MET: variants seen among roughly 807,000 people sequenced by gnomAD.
The protein encoded by MET is hepatocyte growth factor receptor.
In MET, 48 loss-of-function variants were observed where a neutral mutation model predicts 133.1. That is an observed-to-expected ratio of 0.36 (90% CI 0.29 to 0.46). The LOEUF (loss-of-function observed/expected upper bound fraction) is 0.46. Among genes scored for constraint, MET ranks in the 20% least tolerant of loss-of-function variants. MET has a pLI of 1.00. For missense variants in MET, 1,442 were observed against 1,695.9 expected, an observed-to-expected ratio of 0.85 and a Z score of 2.63; for synonymous variants, 628 against 616.5, an observed-to-expected ratio of 1.02 and a Z score of -0.28.
intron 3 of MET, among the ~76,000 whole-genome samples, chr7:116,735,244 ATGT>A (rs1340633472): frequency 2.0e-5 from 3 of 152,052 alleles, no homozygotes; most frequent in Non-Finnish European, 4.4e-5. Context: ...AAGTTCCTAA[ATGT>A]TGTTACCACC....
chr7:116,787,801 C>T (rs1007188272), intron 19 of MET, among the ~76,000 whole-genome samples: 2 of 152,118 alleles, frequency 1.3e-5, no homozygotes, highest in African/African-American at 4.8e-5. Context: ...AGACATTTTA[C>T]CAAAGAGACG....
chr7:116,714,911 G>A (rs1343421107), intron 2 of MET, among the ~76,000 whole-genome samples: 2 of 152,022 alleles, frequency 1.3e-5, no homozygotes, highest in African/African-American at 4.8e-5. Flanking sequence ...CACAAATTTT[G>A]GAGAGCCATG....
intron 5 of MET, among the ~76,000 whole-genome samples, chr7:116,749,134 C>T (rs1194481505): frequency 6.6e-6 from 1 of 152,200 alleles, no homozygotes; most frequent in African/African-American, 2.4e-5. Context: ...GATACCAAAA[C>T]CAGACAGAGA....
intron 16 of MET, 79 bp downstream of exon 16, chr7:116,777,548 T>C (rs1237443951): frequency 7.4e-7 from 1 of 1,346,912 alleles, no homozygotes; most frequent in Non-Finnish European, 1.1e-6. Flanking sequence ...AAAACGTTGA[T>C]TTACACTTTC....
rs1246922287 is a variant in MET, at chr7:116,798,206, T to G, written c.*2082T>G. ...AACACTGCAATGTGAAAATCACGTT[T>G]GCTATTTATAAACTTGTCCTTAGAT... On this transcript the variant is annotated 3_prime_UTR_variant, in exon 21 of 21. Coordinates refer to ENST00000397752, the MANE Select transcript of MET (RefSeq NM_000245.4). 1 of 212,370 alleles carries G rather than the reference T, an allele frequency of 4.7e-6. No homozygotes were observed. 13.2% of individuals were successfully genotyped at this position (212,370 alleles called of 1,614,324 possible).
At position 116,757,760 on chromosome 7, in the gene MET, A is replaced by G. The variant is rs201378674; in HGVS notation, c.2088A>G (p.Thr696=). 2 of 1,613,936 alleles carry G rather than the reference A, an allele frequency of 1.2e-6. No homozygotes were observed. Among genetic ancestry groups the G allele is most frequent in the Non-Finnish European group, 1.7e-6 (2 of 1,179,878 alleles). Residue 696 remains threonine (T), a synonymous_variant, in exon 8 of 21, where the codon ACA becomes ACG. Coordinates refer to ENST00000397752, the MANE Select transcript of MET (RefSeq NM_000245.4). ...GACACATTTCAATTGGTGGAAAAAC[A>G]TGTACTTTAAAAAGGTGTTGTAAAT... The part of the protein sequence containing the change: ...NSRHISIGGK[T]CTLKSVSNSI...
intron 14 of MET, 83 bp from the exon 15 acceptor site, chr7:116,774,798 C>A (rs2117028576): frequency 9.8e-7 from 1 of 1,018,092 alleles, no homozygotes; most frequent in Non-Finnish European, 1.5e-6. Flanking sequence ...CAAACTAATT[C>A]CATTATAAAA....
rs1321373360 is a variant in MET at position 116,796,629 on chromosome 7, C to A, written c.*505C>A. On this transcript the variant is annotated 3_prime_UTR_variant, in exon 21 of 21. Coordinates refer to ENST00000397752, the MANE Select transcript of MET (RefSeq NM_000245.4). ...TCATTCACCCATTAGGTAAACATTCCCTTTTAAATGTTTGTTTGTTTTTTG... is the reference window on the plus strand; with the variant it reads ...TCATTCACCCATTAGGTAAACATTCACTTTTAAATGTTTGTTTGTTTTTTG... 3.6e-6 allele frequency: 1 copy of A among 278,118 alleles called. No homozygotes were observed. The highest frequency in any genetic ancestry group is 2.2e-5 in the African/African-American group (1 of 46,152). 17.2% of individuals were successfully genotyped at this position (278,118 alleles called of 1,614,324 possible).
intron 19 of MET, among the ~76,000 whole-genome samples, chr7:116,786,486 G>A (rs578015883): frequency 6.6e-6 from 1 of 152,318 alleles, no homozygotes; most frequent in East Asian, 1.9e-4. Flanking sequence ...GGACCCAGAA[G>A]CAAAGACCAC....
rs863224376 is a variant in MET, at chr7:116,699,078, T to C, written c.-7T>C. On this transcript the variant is annotated 5_prime_UTR_variant, in exon 2 of 21. Coordinates refer to ENST00000397752, the MANE Select transcript of MET (RefSeq NM_000245.4). ...TTGAACCTGTTTTGGCAGATAAACC[T>C]CTCATAATGAAGGCCCCCGCTGTGC... 2 of 1,613,682 alleles carry C rather than the reference T, an allele frequency of 1.2e-6. No homozygotes were observed. The highest frequency in any genetic ancestry group is 1.7e-6 in the Non-Finnish European group (2 of 1,179,826).
chr7:116,692,408 T>A (rs1332129021), intron 1 of MET, among the ~76,000 whole-genome samples: 1 of 152,160 alleles, frequency 6.6e-6, no homozygotes, highest in Non-Finnish European at 1.5e-5. Context: ...CTCTGTTGGG[T>A]TTTTTCCTGA....
At chr7:116,718,216 G>C (rs1424508319) in intron 2 of MET, among the ~76,000 whole-genome samples, 1 of 151,980 alleles carries the variant, frequency 6.6e-6, no homozygotes. Context: ...GTGAAACCCA[G>C]TCTCTAATAA....
chr7:116,753,003 C>T (rs1176684983), intron 5 of MET, among the ~76,000 whole-genome samples: 1 of 152,074 alleles, frequency 6.6e-6, no homozygotes, highest in Non-Finnish European at 1.5e-5. Context: ...ATTTATTTTT[C>T]TAGTAGTTCT....
intron 6 of MET, among the ~76,000 whole-genome samples, chr7:116,756,477 C>T (rs1303752575): frequency 6.6e-6 from 1 of 152,124 alleles, no homozygotes; most frequent in Non-Finnish European, 1.5e-5. Context: ...AATGGCAAAA[C>T]AAATTTTTTC....
intron 2 of MET, chr7:116,724,017 C>T (rs1335325125): frequency 6.2e-6 from 1 of 160,138 alleles, no homozygotes; most frequent in Non-Finnish European, 1.4e-5. Flanking sequence ...CCACCCAGTT[C>T]TAGCTTCCAG....
At position 116,749,353 on chromosome 7, in the gene MET, A is replaced by G. The variant is rs371570367; in HGVS notation, c.1702-6002A>G. Among the ~76,000 whole-genome samples the G allele has an allele frequency of 5.9e-5, 9 of 152,336 alleles. No homozygotes were observed. In the East Asian group the frequency reaches 1.7e-3, roughly 29 times the overall value. ...CATCACATAAACAGAACCAATGACA[A>G]AAACCACACGATTATTGCAATAGAT... On this transcript the variant is annotated intron_variant, in intron 5 of 20. Transcript: ENST00000397752.
Position 116,771,628 on chromosome 7 carries a change from G to T in MET, c.2861G>T (p.Trp954Leu), listed in dbSNP as rs764814223. ...ALLLLLGFFL[W>L]LKKRKQIKDL... ...TTATTACTACTTGGGTTTTTCCTGTGGCTGAAAAAGAGAAAGCAAATTAAA... is the reference window on the plus strand; with the variant it reads ...TTATTACTACTTGGGTTTTTCCTGTTGCTGAAAAAGAGAAAGCAAATTAAA... Residue 954 changes from tryptophan to leucine, a missense_variant, in exon 13 of 21, where the codon TGG becomes TTG. Trp to Leu is a moderately conservative substitution (Grantham distance 61). Around this residue, in one of 6 missense-constraint regions of MET, gnomAD observed 514 missense variants for 659.6 expected, o/e 0.78. Transcript: ENST00000397752. 1 of 1,613,764 alleles carries T rather than the reference G, an allele frequency of 6.2e-7. No homozygotes were observed. Among genetic ancestry groups the T allele is most frequent in the Non-Finnish European group, 8.5e-7 (1 of 1,179,794 alleles).
rs943753621 is a variant in MET at position 116,755,419 on chromosome 7, G to T, written c.1766G>T (p.Gly589Val). The T allele has an allele frequency of 2.5e-6, 4 of 1,613,950 alleles. No individual in the cohort carries two copies. The Admixed American group carries it at 5.0e-5, about 20-fold the overall frequency. Residue 589 changes from glycine (G) to valine (V), a missense_variant, in exon 6 of 21, where the codon GGA becomes GTA. Gly to Val is a moderately radical substitution (Grantham distance 109, BLOSUM62 -3). This residue lies in a region of MET where 762 missense variants were observed against 792.4 expected (regional missense o/e 0.96). Coordinates refer to ENST00000397752, the MANE Select transcript of MET (RefSeq NM_000245.4). ...CTGACCATATGTGGCTGGGACTTTG[G>T]ATTTCGGAGGAATAATAAATTTGAT... The part of the protein sequence containing the change: ...TRLTICGWDF[G>V]FRRNNKFDLK...
At chr7:116,763,602 T>C (rs1393190201) in intron 11 of MET, among the ~76,000 whole-genome samples, 2 of 152,220 alleles carry the variant, frequency 1.3e-5, no homozygotes, top group Non-Finnish European at 1.5e-5. Flanking sequence ...GTGCTCATTA[T>C]AAGATAAAAC....
Sources: allele counts gnomAD v4.1 joint callset (sites outside exome capture counted in the v4.1 genomes callset), GRCh38; gene constraint gnomAD v4.1.1; regional missense constraint gnomAD v4.1.1; transcripts MANE v1.5; gene names NCBI Gene and HGNC (gene_info 2026-07-23, HGNC 2026-07-21).